ARHGAP30: variants seen among roughly 807,000 people sequenced by gnomAD.
ARHGAP30 encodes the protein Rho GTPase activating protein 30, also known as rho GTPase-activating protein 30.
Under a neutral mutation model 72.0 loss-of-function variants are expected in ARHGAP30, and 23 were observed. The observed-to-expected ratio is 0.32, with a 90% confidence interval of 0.23 to 0.45. The LOEUF is 0.45. Ranked by LOEUF, ARHGAP30 falls within the 20% of genes least tolerant of loss-of-function variation. The pLI, the probability that ARHGAP30 is intolerant of heterozygous loss-of-function variation, is 1.00. For synonymous variants in ARHGAP30, 576 were observed against 528.2 expected (o/e 1.09, Z -1.24); for missense variants, 1,319 against 1,383.4 (o/e 0.95, Z 0.74).
In ARHGAP30 at chr1:161,048,471, C is replaced by T. The variant is rs1571065565; in HGVS notation, c.2550G>A (p.Arg850=). The stretch of plus-strand genomic sequence containing the variant: ...CCTCTTCTAAATAGTACCCTCCAGC[C>T]CTCTGGTCTCCCTCAGCCTCTCCAT... ...SGDGEAEGDQ[R]AGGYYLEEDT... Residue 850 remains arginine, a synonymous_variant, in exon 12 of 12, where the codon AGG becomes AGA. Transcript: ENST00000368013. 2 of 1,614,142 alleles carry T rather than the reference C, an allele frequency of 1.2e-6. No individual in the cohort carries two copies. Among genetic ancestry groups the T allele is most frequent in the Non-Finnish European group, 1.7e-6 (2 of 1,180,016 alleles).
At chr1:161,067,856 A>G (rs949915596) in intron 1 of ARHGAP30, among the ~76,000 whole-genome samples, 65 of 151,954 alleles carry the variant, frequency 4.3e-4, no homozygotes, top group African/African-American at 1.6e-3. Flanking sequence ...TCCACTTTCC[A>G]CCTCTCTGTA....
At chr1:161,067,528 C>T (rs1652855910) in intron 1 of ARHGAP30, among the ~76,000 whole-genome samples, 1 of 151,710 alleles carries the variant, frequency 6.6e-6, no homozygotes, top group Admixed American at 6.6e-5. Flanking sequence ...CGAGATCACC[C>T]CACTACACTC....
intron 3 of ARHGAP30, among the ~76,000 whole-genome samples, chr1:161,055,846 TAAA>T (rs1238651122): frequency 0.039 from 553 of 14,114 alleles, 22 homozygotes; most frequent in Non-Finnish European, 0.077. Flanking sequence ...ATAAAATAAA[TAAA>T]ATAAAATAAA....
In ARHGAP30 at chr1:161,047,815, G is replaced by T; in HGVS notation, c.3206C>A (p.Pro1069His). 6.2e-7 allele frequency: 1 copy of T among 1,608,298 alleles called. No homozygotes were observed. The highest frequency in any genetic ancestry group is 8.5e-7 in the Non-Finnish European group (1 of 1,177,758). The change falls in exon 12 of 12, where the codon CCC becomes CAC. Residue 1069 changes from proline (P) to histidine (H), a missense_variant. This residue lies in a region of ARHGAP30 where 1,097 missense variants were observed against 1,045.2 expected (regional missense o/e 1.05). Coordinates refer to ENST00000368013, the MANE Select transcript of ARHGAP30 (RefSeq NM_001025598.2). ...GSGSRSRLSL[P>H]PREPQVPDPL... ...GTCAGGAACCTGGGGTTCTCTGGGG[G>T]GCAGACTAAGACGACTCCGGGATCC...
At chr1:161,065,687 C>T (rs1652705376) in intron 1 of ARHGAP30, among the ~76,000 whole-genome samples, 1 of 151,734 alleles carries the variant, frequency 6.6e-6, no homozygotes, top group African/African-American at 2.4e-5. Context: ...CTGCCTCAGC[C>T]TCCCAAGTAG....
intron 8 of ARHGAP30, 37 bp downstream of exon 8, chr1:161,052,403 A>G (rs1189959346): frequency 6.2e-7 from 1 of 1,613,210 alleles, no homozygotes. Context: ...GGCCTTGTGC[A>G]CCCTCAGCAG....
At position 161,047,555 on chromosome 1, in the gene ARHGAP30, C is replaced by T. The variant is rs1650941286; in HGVS notation, c.*160G>A. 3 of 667,970 alleles carry T rather than the reference C, an allele frequency of 4.5e-6. No homozygotes were observed. Among genetic ancestry groups the T allele is most frequent in the Non-Finnish European group, 6.7e-6 (3 of 447,180 alleles). The allele number at this position is 667,970 out of a possible 1,614,324, so 41.4% of individuals were successfully genotyped here. On this transcript the variant is annotated 3_prime_UTR_variant, in exon 12 of 12. Coordinates refer to ENST00000368013, the MANE Select transcript of ARHGAP30 (RefSeq NM_001025598.2). Reference sequence around the variant, plus strand: ...TCGGAGACAAGTTCAGGTAAACCAACCAAGGCAGTGCCTCCCACAGTCAAA... The same window carrying T: ...TCGGAGACAAGTTCAGGTAAACCAATCAAGGCAGTGCCTCCCACAGTCAAA...
Position 161,047,452 on chromosome 1 carries a change from T to G in ARHGAP30, c.*263A>C. ...AGTTTTCTGCCTACCTTATGTTCCC[T>G]TTGGCCAATGACCCACTCCCTGGGA... On this transcript the variant is annotated 3_prime_UTR_variant, in exon 12 of 12. Coordinates refer to ENST00000368013, the MANE Select transcript of ARHGAP30 (RefSeq NM_001025598.2). The G allele has an allele frequency of 3.2e-6, 1 of 315,806 alleles. No homozygotes were observed. The highest frequency in any genetic ancestry group is 4.7e-5 in the Admixed American group (1 of 21,200). 19.6% of individuals were successfully genotyped at this position (315,806 alleles called of 1,614,324 possible).
chr1:161,050,457 C>T (rs963515051), intron 10 of ARHGAP30, among the ~76,000 whole-genome samples: 1 of 151,524 alleles, frequency 6.6e-6, no homozygotes, highest in Non-Finnish European at 1.5e-5. Context: ...CCTCACCACG[C>T]ACGCCTGGCT....
chr1:161,069,662 C>G lies in ARHGAP30; in HGVS notation c.-38G>C. The G allele has an allele frequency of 1.9e-6, 3 of 1,592,422 alleles. No individual in the cohort carries two copies. Among genetic ancestry groups the G allele is most frequent in the Non-Finnish European group, 2.6e-6 (3 of 1,169,498 alleles). On this transcript the variant is annotated 5_prime_UTR_variant, in exon 1 of 12. Transcript: ENST00000368013. The surrounding 1 kb of genome is among the most constrained non-coding windows in gnomAD (Gnocchi z 4.9). ...AGGGCACTGGCCCGGTCACCTCTAT[C>G]CCCCAAGACCTGTGCCCTACCAGTC...
chr1:161,050,403 A>G (rs538581270), intron 10 of ARHGAP30, among the ~76,000 whole-genome samples: 84 of 149,866 alleles, frequency 5.6e-4, no homozygotes, highest in South Asian at 1.7e-3. Context: ...GGTTGAACCA[A>G]TTCTCCTGCC....
At chr1:161,053,170 T>G in intron 6 of ARHGAP30, 88 bp downstream of exon 6, 2 of 1,561,218 alleles carry the variant, frequency 1.3e-6, no homozygotes, top group Non-Finnish European at 1.7e-6. Context: ...TGTATGAGAC[T>G]CAGCTGAAGT....
At chr1:161,057,114 T>C (rs1439073528) in intron 2 of ARHGAP30, among the ~76,000 whole-genome samples, 2 of 151,914 alleles carry the variant, frequency 1.3e-5, no homozygotes, top group African/African-American at 4.8e-5. Flanking sequence ...TCCAAACATA[T>C]AAAGAACTCT....
rs146642677 is a variant in ARHGAP30, at chr1:161,059,397, T to TTG, written c.200+215_200+216dup. Among the ~76,000 whole-genome samples, 439 of 150,384 alleles carry TTG rather than the reference T, an allele frequency of 2.9e-3. 2 individuals are homozygous for TTG. Among genetic ancestry groups the TTG allele is most frequent in the Non-Finnish European group, 4.7e-3 (315 of 67,320 alleles). ...GGAATGGTGTATGTGAGAGTGGAGT[T>TTG]TGTGTGTGTGTGTGTGCTAAGTTGG... On this transcript the variant is annotated intron_variant, in intron 2 of 11. Coordinates refer to ENST00000368013, the MANE Select transcript of ARHGAP30 (RefSeq NM_001025598.2).
At position 161,054,718 on chromosome 1, in the gene ARHGAP30, A is replaced by C; in HGVS notation, c.346-13T>G. ...CTCCTACAGCCTCCTGATTGAGAAG[A>C]GTGCAAGAAGCAGGAATCAGTGACC... On this transcript the variant is annotated splice_polypyrimidine_tract_variant and intron_variant, in intron 3 of 11. Coordinates refer to ENST00000368013, the MANE Select transcript of ARHGAP30 (RefSeq NM_001025598.2). 8.1e-6 allele frequency: 13 copies of C among 1,613,302 alleles called. No homozygotes were observed. Among genetic ancestry groups the C allele is most frequent in the Non-Finnish European group, 1.0e-5 (12 of 1,179,412 alleles).
intron 6 of ARHGAP30, chr1:161,053,043 G>C: frequency 1.2e-6 from 1 of 867,956 alleles, no homozygotes; most frequent in South Asian, 1.8e-5. Context: ...TGGGAGCCAG[G>C]ATGGTGACTC....
rs1557935394 is a variant in ARHGAP30 at position 161,064,831 on chromosome 1, GA to G, written c.97+4696del. 1.9e-3 allele frequency among the ~76,000 whole-genome samples: 141 copies of G among 73,884 alleles called. 4 individuals carry two copies. The highest frequency in any genetic ancestry group is 6.6e-3 in the African/African-American group (88 of 13,288). The allele number at this position is 73,884 out of a possible 152,430, so 48.5% of individuals were successfully genotyped here. A position where few individuals can be genotyped will look rare whatever the true frequency, so the allele number is the denominator to read the frequency against. On this transcript the variant is annotated intron_variant, in intron 1 of 11. Transcript: ENST00000368013. Reference sequence around the variant, plus strand: ...AGAAAGAAAGAAAGAAAGAAAGAAAGAGAAAGAAAGAAAGAAAGGAAAGGAA... The same window carrying G: ...AGAAAGAAAGAAAGAAAGAAAGAAAGGAAAGAAAGAAAGAAAGGAAAGGAA...
intron 1 of ARHGAP30, among the ~76,000 whole-genome samples, chr1:161,064,972 C>A (rs558446477): frequency 1.1e-3 from 165 of 152,000 alleles, no homozygotes; most frequent in Non-Finnish European, 3.5e-4. Context: ...GGGGAAAAAG[C>A]TGTGGTTCTC....
Position 161,048,025 on chromosome 1 carries a change from G to A in ARHGAP30, c.2996C>T (p.Ala999Val), listed in dbSNP as rs957301704. 1.4e-5 allele frequency: 23 copies of A among 1,614,152 alleles called. No individual in the cohort carries two copies. Among genetic ancestry groups the A allele is most frequent in the Non-Finnish European group, 1.9e-5 (23 of 1,180,022 alleles). Residue 999 changes from alanine (A) to valine (V), a missense_variant, in exon 12 of 12, where the codon GCT (alanine) becomes GTT (valine). Physicochemically the swap from Ala to Val is moderately conservative, Grantham distance 64. Around this residue, in one of 2 missense-constraint regions of ARHGAP30, gnomAD observed 1,097 missense variants for 1,045.2 expected, o/e 1.05. Coordinates refer to ENST00000368013, the MANE Select transcript of ARHGAP30 (RefSeq NM_001025598.2). ...GCGGTCCCGGGCTAGGGCCACAGCA[G>A]CATCAAAGGAAAGACTACCCCCATT... ...WRNGGSLSFDAAVALARDRQR... is the reference protein window; with the variant it reads ...WRNGGSLSFDVAVALARDRQR...
Sources: gnomAD v4.1 joint callset for allele counts (sites outside exome capture counted in the v4.1 genomes callset) on GRCh38, gnomAD v4.1.1 for gene constraint, gnomAD v4.1.1 regional missense constraint, Gnocchi (gnomAD v3.1) non-coding constraint, MANE v1.5 for transcripts, NCBI Gene and HGNC (gene_info 2026-07-23, HGNC 2026-07-21) for gene names.